MS4A5: variants seen among roughly 807,000 people sequenced by gnomAD.
The protein encoded by MS4A5 is membrane-spanning 4-domains subfamily A member 5.
MS4A5 carries 15 observed loss-of-function variants against 18.2 expected under a neutral mutation model. The ratio of observed to expected loss-of-function variants is 0.83; its 90% confidence interval spans 0.55 to 1.27. The LOEUF is 1.27. MS4A5 is among the 50% of genes most tolerant of loss of function. MS4A5 has a pLI of 0.00. For synonymous variants in MS4A5, 89 were observed against 78.7 expected, an observed-to-expected ratio of 1.13 and a Z score of -0.69; for missense variants, 232 against 225.7, an observed-to-expected ratio of 1.03 and a Z score of -0.18.
rs1475804909 is a variant in MS4A5 at position 60,429,607 on chromosome 11, G to C, written c.-68G>C. ...AGTGCTCCAGGCAGCCTCAGCACAA[G>C]AAAAGAACATGGTCTAGACTGAAGT... On this transcript the variant is annotated 5_prime_UTR_variant, in exon 1 of 5. Transcript: ENST00000300190. 3.6e-5 allele frequency: 54 copies of C among 1,485,966 alleles called. No individual in the cohort carries two copies. Among genetic ancestry groups the C allele is most frequent in the Non-Finnish European group, 4.6e-5 (51 of 1,107,032 alleles). The allele number at this position is 1,485,966 out of a possible 1,614,324, so 92.0% of individuals were successfully genotyped here. A position where few individuals can be genotyped will look rare whatever the true frequency, so the allele number is the denominator to read the frequency against.
At chr11:60,433,742 G>A (rs771068051) in intron 3 of MS4A5, 23 bp from the exon 4 acceptor site, 27 of 1,611,412 alleles carry the variant, frequency 1.7e-5, no homozygotes, top group Middle Eastern at 1.7e-4. Flanking sequence ...CAGTCACATT[G>A]TTATGTTCTT....
chr11:60,442,895 C>A (rs1271800433), intron 4 of MS4A5, among the ~76,000 whole-genome samples: 2 of 152,188 alleles, frequency 1.3e-5, no homozygotes, highest in African/African-American at 4.8e-5. Context: ...AATCCCAGGA[C>A]TTTGGGAGGC....
In MS4A5 at chr11:60,436,391, G is replaced by T. The variant is rs1360681041; in HGVS notation, c.492+2474G>T. Among the ~76,000 whole-genome samples the T allele has an allele frequency of 1.4e-5, 2 of 139,832 alleles. 1 individual carries two copies. Among genetic ancestry groups the T allele is most frequent in the Non-Finnish European group, 3.3e-5 (2 of 61,482 alleles). 91.7% of individuals were successfully genotyped at this position (139,832 alleles called of 152,430 possible). A position where few individuals can be genotyped will look rare whatever the true frequency, so the allele number is the denominator to read the frequency against. ...GCCACTCCTCCTCCAAAGGAATGCA[G>T]TTCCTCACCAGCAACGGAACAAAGC... On this transcript the variant is annotated intron_variant, in intron 4 of 4. Coordinates refer to ENST00000300190, the MANE Select transcript of MS4A5 (RefSeq NM_023945.3).
intron 1 of MS4A5, 23 bp downstream of exon 1, chr11:60,429,850 T>A: frequency 6.2e-7 from 1 of 1,603,476 alleles, no homozygotes; most frequent in African/African-American, 1.3e-5. Context: ...TGCCCCTATG[T>A]ATATTTTACT....
intron 4 of MS4A5, among the ~76,000 whole-genome samples, chr11:60,447,124 C>A (rs1405968147): frequency 1.4e-5 from 2 of 145,370 alleles, no homozygotes; most frequent in South Asian, 4.4e-4. Flanking sequence ...CCTATGCTAT[C>A]CTATGCTATG....
intron 4 of MS4A5, among the ~76,000 whole-genome samples, chr11:60,446,256 A>G (rs1474993338): frequency 6.6e-6 from 1 of 152,214 alleles, no homozygotes; most frequent in African/African-American, 2.4e-5. Context: ...ATAAGGCTTC[A>G]GGAGAGGATG....
At chr11:60,447,377 G>T (rs1412006360) in intron 4 of MS4A5, among the ~76,000 whole-genome samples, 2 of 128,038 alleles carry the variant, frequency 1.6e-5, no homozygotes, top group Non-Finnish European at 3.4e-5. Context: ...ATGCAATGCA[G>T]TGCTATGCTA....
chr11:60,446,421 A>G (rs934362510), intron 4 of MS4A5, among the ~76,000 whole-genome samples: 10 of 152,184 alleles, frequency 6.6e-5, no homozygotes, highest in South Asian at 6.2e-4. Flanking sequence ...AATATTTTGA[A>G]GGTCTTTTGC....
Position 60,429,825 on chromosome 11 carries a change from G to T in MS4A5, c.151G>T (p.Gly51Trp). Residue 51 changes from glycine (G) to tryptophan (W), a missense_variant and splice_region_variant, in exon 1 of 5, where the codon GGG becomes TGG. Physicochemically the swap from Gly to Trp is radical, Grantham distance 184. Coordinates refer to ENST00000300190, the MANE Select transcript of MS4A5 (RefSeq NM_023945.3). ...ATTTGCTAGAAAAATGAAAATCTTA[G>T]GGGTAAGTAAGACTTGCCCCTATGT... ...KLFARKMKIL[G>W]TIQILFGIMT... 6.2e-7 allele frequency: 1 copy of T among 1,613,074 alleles called. No individual in the cohort carries two copies.
At chr11:60,438,667 A>C (rs924709079) in intron 4 of MS4A5, among the ~76,000 whole-genome samples, 1 of 152,102 alleles carries the variant, frequency 6.6e-6, no homozygotes, top group Non-Finnish European at 1.5e-5. Flanking sequence ...TAAACTAGAA[A>C]ATCTAGAAGA....
chr11:60,433,803 G>A lies in MS4A5; in HGVS notation c.378G>A (p.Leu126=). ...LSRIMNFLSA[L]GAIAGIILLT... is the part of the protein sequence containing the mutation. Reference sequence around the variant, plus strand: ...GAATAATGAATTTTCTTAGTGCCCTGGGAGCAATAGCTGGAATCATTCTCC... The same window carrying A: ...GAATAATGAATTTTCTTAGTGCCCTAGGAGCAATAGCTGGAATCATTCTCC... The change falls in exon 4 of 5, where the codon CTG becomes CTA. Residue 126 remains leucine, a synonymous_variant. Transcript: ENST00000300190. 2 of 1,613,874 alleles carry A rather than the reference G, an allele frequency of 1.2e-6. No individual in the cohort carries two copies. The highest frequency in any genetic ancestry group is 1.7e-6 in the Non-Finnish European group (2 of 1,179,836).
At chr11:60,446,862 T>C (rs2086141214) in intron 4 of MS4A5, among the ~76,000 whole-genome samples, 1 of 151,378 alleles carries the variant, frequency 6.6e-6, no homozygotes, top group African/African-American at 2.4e-5. Flanking sequence ...TCTTTTCTAT[T>C]TTTAGTTCTT....
At chr11:60,446,669 G>T (rs1004805306) in intron 4 of MS4A5, among the ~76,000 whole-genome samples, 3 of 151,238 alleles carry the variant, frequency 2.0e-5, no homozygotes. Flanking sequence ...GGAGTTGGAG[G>T]TTGCAGTGAG....
chr11:60,442,982 A>G lies in MS4A5; in HGVS notation c.493-4667A>G, dbSNP rs188814277. ...ATGGTGAAACACCATCTCTACTAAA[A>G]ATACAAAAATTAGCAGGGCATGGTG... On this transcript the variant is annotated intron_variant, in intron 4 of 4. Coordinates refer to ENST00000300190, the MANE Select transcript of MS4A5 (RefSeq NM_023945.3). Among the ~76,000 whole-genome samples, 569 of 152,234 alleles carry G rather than the reference A, an allele frequency of 3.7e-3. 4 individuals are homozygous for G. Among genetic ancestry groups the G allele is most frequent in the Admixed American group, 6.8e-3 (104 of 15,290 alleles).
At chr11:60,432,355 A>C (rs1035194636) in intron 2 of MS4A5, 56 bp from the exon 3 acceptor site, 1 of 1,193,342 alleles carries the variant, frequency 8.4e-7, no homozygotes, top group Non-Finnish European at 1.2e-6. Flanking sequence ...CTATTCTGTA[A>C]GAACTCAACA....
chr11:60,447,170 T>C (rs202134523), intron 4 of MS4A5, among the ~76,000 whole-genome samples: 18 of 134,112 alleles, frequency 1.3e-4, no homozygotes, highest in Non-Finnish European at 2.9e-4. Context: ...CTATCCTATG[T>C]TATGCTATGC....
At chr11:60,447,600 G>A (rs748076172) in intron 4 of MS4A5, 49 bp from the exon 5 acceptor site, 1 of 1,037,178 alleles carries the variant, frequency 9.6e-7, no homozygotes, top group Admixed American at 2.5e-5. Context: ...AACCGTTACT[G>A]TGCCAACATC....
intron 4 of MS4A5, among the ~76,000 whole-genome samples, chr11:60,435,751 T>C (rs1341884613): frequency 6.6e-6 from 1 of 151,970 alleles, no homozygotes; most frequent in Non-Finnish European, 1.5e-5. Flanking sequence ...CACCACGAGA[T>C]TATATCCCGC....
chr11:60,441,924 A>T (rs2086115431), intron 4 of MS4A5, among the ~76,000 whole-genome samples: 1 of 152,230 alleles, frequency 6.6e-6, no homozygotes, highest in Non-Finnish European at 1.5e-5. Flanking sequence ...GATTCACAAG[A>T]GAAATATTAC....
Sources: allele counts gnomAD v4.1 joint callset (sites outside exome capture counted in the v4.1 genomes callset), GRCh38; gene constraint gnomAD v4.1.1; transcripts MANE v1.5; gene names NCBI Gene and HGNC (gene_info 2026-07-23, HGNC 2026-07-21).